CREBBP: variants seen among roughly 807,000 people sequenced by gnomAD.
CREBBP encodes the protein CREB binding lysine acetyltransferase, also known as CREB-binding protein.
In CREBBP, 19 loss-of-function variants were observed where a neutral mutation model predicts 265.0. That is an observed-to-expected ratio of 0.07 (90% confidence interval 0.05 to 0.11). The LOEUF (loss-of-function observed/expected upper bound fraction) is 0.11, where lower values mean the gene tolerates loss of function less well. Ranked by LOEUF, CREBBP falls within the 10% of genes least tolerant of loss-of-function variation. The probability of loss-of-function intolerance (pLI) is 1.00; values close to 1 mark genes in which losing one functional copy is unlikely to be tolerated. For synonymous variants in CREBBP, 1,457 were observed against 1,223.7 expected (o/e 1.19, Z -3.98); for missense variants, 2,525 against 3,219.0 (o/e 0.78, Z 5.22).
At chr16:3,739,861 G>A in intron 24 of CREBBP, 137 bp from the exon 25 acceptor site, 1 of 1,236,534 alleles carries the variant, frequency 8.1e-7, no homozygotes, top group South Asian at 1.2e-5. Context: ...GTGGCCTGGA[G>A]TCCTCCCTAT....
chr16:3,781,351 T>A (rs766895838), intron 6 of CREBBP, 45 bp from the exon 7 acceptor site: 1 of 1,491,226 alleles, frequency 6.7e-7, no homozygotes, highest in Non-Finnish European at 9.3e-7. Context: ...AATTTTAATA[T>A]ATACTTCAAA....
At chr16:3,790,952 C>T (rs576951792) in intron 5 of CREBBP, among the ~76,000 whole-genome samples, 86 of 152,272 alleles carry the variant, frequency 5.6e-4, no homozygotes, top group African/African-American at 2.0e-3. Context: ...AGCACATGTT[C>T]TCCAGGCAGC....
In CREBBP at chr16:3,726,411, GCCGCCCAC is replaced by G. The variant is rs2051746599; in HGVS notation, c.*1299_*1306del. 1.3e-5 allele frequency: 3 copies of G among 231,976 alleles called. No homozygotes were observed. Among genetic ancestry groups the G allele is most frequent in the East Asian group, 6.1e-5 (1 of 16,524 alleles). 14.4% of individuals were successfully genotyped at this position (231,976 alleles called of 1,614,324 possible). On this transcript the variant is annotated 3_prime_UTR_variant, in exon 31 of 31. Coordinates refer to ENST00000262367, the MANE Select transcript of CREBBP (RefSeq NM_004380.3). Reference sequence around the variant, plus strand: ...CTCGAATGTGTGGGGCCAACGCTGAGCCGCCCACCTCAGTCGCCCACCTCAGTCTCCGG... The same window carrying G: ...CTCGAATGTGTGGGGCCAACGCTGAGCTCAGTCGCCCACCTCAGTCTCCGG...
At chr16:3,852,336 T>A (rs905114017) in intron 1 of CREBBP, among the ~76,000 whole-genome samples, 3 of 150,798 alleles carry the variant, frequency 2.0e-5, no homozygotes, top group South Asian at 2.1e-4. Flanking sequence ...GCCCGGCTAA[T>A]TTTTTGTATT....
intron 19 of CREBBP, among the ~76,000 whole-genome samples, 195 bp downstream of exon 19, chr16:3,757,093 A>C (rs1314571305): frequency 6.6e-6 from 1 of 152,140 alleles, no homozygotes; most frequent in Non-Finnish European, 1.5e-5. Context: ...GGCTGATAAC[A>C]TAACTCCTGG....
chr16:3,823,884 G>A (rs976261282), intron 2 of CREBBP, among the ~76,000 whole-genome samples: 2 of 151,950 alleles, frequency 1.3e-5, no homozygotes, highest in African/African-American at 4.8e-5. Context: ...CTATCACGTT[G>A]CCACCCGCCC....
chr16:3,806,793 C>T lies in CREBBP; in HGVS notation c.975+3810G>A, dbSNP rs372799683. ...AAGGCCCCCTGAAATGGTTCCTGCT[C>T]AACCCCCAACTTCCACTCACGCCCT... is the stretch of plus-strand genomic sequence containing the variant. On this transcript the variant is annotated intron_variant, in intron 3 of 30. Transcript: ENST00000262367. Among the ~76,000 whole-genome samples the T allele has an allele frequency of 3.3e-5, 5 of 152,266 alleles. No homozygotes were observed. In the East Asian group the frequency reaches 7.7e-4, roughly 24 times the overall value.
At chr16:3,739,838 A>T in intron 24 of CREBBP, 114 bp from the exon 25 acceptor site, 1 of 1,441,838 alleles carries the variant, frequency 6.9e-7, no homozygotes, top group Non-Finnish European at 9.7e-7. Flanking sequence ...AGGCATGGCC[A>T]CCTCCTCAGA....
chr16:3,727,775 C>A lies in CREBBP; in HGVS notation c.7272G>T (p.Leu2424=), dbSNP rs375448134. The A allele has an allele frequency of 4.5e-5, 73 of 1,614,078 alleles. No homozygotes were observed. The highest frequency in any genetic ancestry group is 5.6e-5 in the Non-Finnish European group (66 of 1,180,054). The change falls in exon 31 of 31, where the codon CTG becomes CTT. Residue 2424 remains leucine (L), a synonymous_variant. Coordinates refer to ENST00000262367, the MANE Select transcript of CREBBP (RefSeq NM_004380.3). ...TPSRSALSSE[L]SLVGDTTGDT... The stretch of plus-strand genomic sequence containing the variant: ...CCCCCGTGGTGTCCCCGACCAGGGA[C>A]AGTTCGCTGGACAGCGCACTCCTGC...
At chr16:3,811,679 A>C (rs1302387727) in intron 2 of CREBBP, among the ~76,000 whole-genome samples, 1 of 151,990 alleles carries the variant, frequency 6.6e-6, no homozygotes, top group African/African-American at 2.4e-5. Context: ...TTTTTAGTAG[A>C]GACACGGTTT....
intron 1 of CREBBP, among the ~76,000 whole-genome samples, chr16:3,869,948 G>A (rs544733503): frequency 1.3e-5 from 2 of 152,158 alleles, no homozygotes; most frequent in African/African-American, 4.8e-5. Context: ...ACTACGGGCA[G>A]GTGTGCTCTT....
chr16:3,748,139 C>A (rs1035205047), intron 21 of CREBBP, among the ~76,000 whole-genome samples: 4 of 145,058 alleles, frequency 2.8e-5, no homozygotes, highest in Non-Finnish European at 5.9e-5. Flanking sequence ...GTTAGCTGGG[C>A]GTGGTGGCGG....
chr16:3,744,858 T>G, intron 23 of CREBBP, 36 bp downstream of exon 23: 1 of 1,492,768 alleles, frequency 6.7e-7, no homozygotes, highest in Non-Finnish European at 9.4e-7. Flanking sequence ...TTCTAAAATG[T>G]GCAGTCCAGG....
intron 1 of CREBBP, among the ~76,000 whole-genome samples, chr16:3,875,143 C>T (rs1032263938): frequency 3.3e-5 from 5 of 152,188 alleles, no homozygotes; most frequent in African/African-American, 1.2e-4. Context: ...GACTCAGTCT[C>T]TTTGTAAGTT....
At chr16:3,822,666 TA>T (rs1339219927) in intron 2 of CREBBP, among the ~76,000 whole-genome samples, 2 of 152,212 alleles carry the variant, frequency 1.3e-5, no homozygotes, top group Admixed American at 6.5e-5. Flanking sequence ...CCCAGCTTAT[TA>T]AATGCCATAA....
chr16:3,857,941 T>A (rs564893228), intron 1 of CREBBP, among the ~76,000 whole-genome samples: 2 of 152,110 alleles, frequency 1.3e-5, no homozygotes, highest in Non-Finnish European at 2.9e-5. Flanking sequence ...AGGAAAATAG[T>A]AGGGACTTAG....
rs557048009 is a variant in CREBBP at position 3,754,643 on chromosome 16, GA to G, written c.3698+2644del. 2.6e-4 allele frequency among the ~76,000 whole-genome samples: 40 copies of G among 152,232 alleles called. 2 individuals carry two copies. The South Asian group carries it at 8.1e-3, about 31-fold the overall frequency. ...GTACCATATCAGTACATATCACTGGGATATCTATAGATAATACTTATATTAT... is the reference window on the plus strand; with the variant it reads ...GTACCATATCAGTACATATCACTGGGTATCTATAGATAATACTTATATTAT... On this transcript the variant is annotated intron_variant, in intron 19 of 30. Transcript: ENST00000262367.
At chr16:3,739,857 T>A (rs1207058793) in intron 24 of CREBBP, 133 bp from the exon 25 acceptor site, 1 of 1,262,650 alleles carries the variant, frequency 7.9e-7, no homozygotes, top group Non-Finnish European at 1.1e-6. Context: ...GACCGTGGCC[T>A]GGAGTCCTCC....
rs2051856745 is a variant in CREBBP at position 3,729,656 on chromosome 16, C to T, written c.5391G>A (p.Lys1797=). Residue 1797 remains lysine, a synonymous_variant, in exon 31 of 31, where the codon AAG becomes AAA. Coordinates refer to ENST00000262367, the MANE Select transcript of CREBBP (RefSeq NM_004380.3). ...TGGTGTGCTGCACCACCCGCTTCAT[C>T]TTCTGGCAGGATGGCAGCGAGCAGT... The part of the protein sequence containing the change: ...NANCSLPSCQ[K]MKRVVQHTKG... 1 of 1,613,936 alleles carries T rather than the reference C, an allele frequency of 6.2e-7. No individual in the cohort carries two copies.
Sources: allele counts gnomAD v4.1 joint callset (sites outside exome capture counted in the v4.1 genomes callset), GRCh38; gene constraint gnomAD v4.1.1; transcripts MANE v1.5; gene names NCBI Gene and HGNC (gene_info 2026-07-23, HGNC 2026-07-21).